Variants in CDH23 observed in about 807,000 individuals in gnomAD.
CDH23 encodes the protein cadherin-23.
Under a neutral mutation model 317.1 loss-of-function variants are expected in CDH23, and 189 were observed. The observed-to-expected ratio is 0.60, with a 90% CI of 0.53 to 0.67. The LOEUF is 0.67. Ranked by LOEUF, CDH23 falls within the 30% of genes least tolerant of loss-of-function variation. The pLI, the probability that CDH23 is intolerant of heterozygous loss-of-function variation, is 0.00. For synonymous variants in CDH23, 1,839 were observed against 1,876.8 expected (o/e 0.98, Z 0.52); for missense variants, 4,401 against 4,592.4 (o/e 0.96, Z 1.20).
At chr10:71,442,203 C>T (rs1849921574) in intron 2 of CDH23, among the ~76,000 whole-genome samples, 1 of 152,314 alleles carries the variant, frequency 6.6e-6, no homozygotes, top group Middle Eastern at 3.4e-3. Flanking sequence ...TATGCCAAAG[C>T]GTGTATGGTC....
chr10:71,755,330 A>AC, intron 38 of CDH23: 1 of 1,589,450 alleles, frequency 6.3e-7, no homozygotes, highest in Non-Finnish European at 8.6e-7. Context: ...CGCACCGTCC[A>AC]CCCACCCCAG....
At chr10:71,533,837 C>T (rs1050016342) in intron 6 of CDH23, among the ~76,000 whole-genome samples, 33 of 151,996 alleles carry the variant, frequency 2.2e-4, no homozygotes, top group South Asian at 4.2e-4. Flanking sequence ...TCCCCCAGCC[C>T]GCTCTCATTA....
chr10:71,798,664 G>T, intron 50 of CDH23, 86 bp downstream of exon 50: 1 of 1,079,826 alleles, frequency 9.3e-7, no homozygotes, highest in Non-Finnish European at 1.3e-6. Flanking sequence ...CCCCTCTGTG[G>T]CTCCTCAGTG....
chr10:71,616,475 C>G (rs1469949523), intron 10 of CDH23, among the ~76,000 whole-genome samples: 1 of 152,258 alleles, frequency 6.6e-6, no homozygotes, highest in Non-Finnish European at 1.5e-5. Flanking sequence ...AGGTGGTCAG[C>G]TCTACCAGAG....
At chr10:71,450,347 C>G (rs1850375012) in intron 3 of CDH23, among the ~76,000 whole-genome samples, 1 of 150,872 alleles carries the variant, frequency 6.6e-6, no homozygotes. Flanking sequence ...CTCACTGCAG[C>G]CTCCACCTCC....
chr10:71,563,078 G>A (rs1857212537), intron 6 of CDH23, among the ~76,000 whole-genome samples: 1 of 152,166 alleles, frequency 6.6e-6, no homozygotes, highest in Non-Finnish European at 1.5e-5. Context: ...AGGGTGGGTG[G>A]GGAGGCAGCT....
intron 11 of CDH23, among the ~76,000 whole-genome samples, chr10:71,627,896 C>T (rs1294080676): frequency 1.3e-5 from 2 of 152,224 alleles, no homozygotes; most frequent in Non-Finnish European, 2.9e-5. Context: ...AGCTGGCAAA[C>T]TTTCTTCTCC....
At chr10:71,429,217 CA>C in intron 1 of CDH23, among the ~76,000 whole-genome samples, 1 of 152,260 alleles carries the variant, frequency 6.6e-6, no homozygotes, top group Non-Finnish European at 1.5e-5. Flanking sequence ...TCTTATGTGT[CA>C]GGGGTCAGCT....
At chr10:71,650,942 A>G (rs1318174873) in intron 14 of CDH23, among the ~76,000 whole-genome samples, 6 of 152,254 alleles carry the variant, frequency 3.9e-5, no homozygotes, top group African/African-American at 9.6e-5. Flanking sequence ...TCATTTATTC[A>G]TTCATTCATT....
At chr10:71,800,862 G>A (rs1180536722) in intron 53 of CDH23, 107 bp downstream of exon 53, 13 of 1,458,498 alleles carry the variant, frequency 8.9e-6, no homozygotes, top group Admixed American at 4.1e-5. Context: ...AGAGCCCCCC[G>A]GTCCCCTTTG....
chr10:71,446,204 A>G, intron 2 of CDH23, 114 bp from the exon 3 acceptor site: 3 of 996,710 alleles, frequency 3.0e-6, no homozygotes, highest in Non-Finnish European at 4.7e-6. Flanking sequence ...GAAGTTGACC[A>G]TGGCCATGGA....
At chr10:71,424,266 T>C (rs1848946634) in intron 1 of CDH23, among the ~76,000 whole-genome samples, 1 of 152,198 alleles carries the variant, frequency 6.6e-6, no homozygotes, top group Non-Finnish European at 1.5e-5. Flanking sequence ...TGCAGTAAGG[T>C]AACCTGGTGG....
intron 39 of CDH23, 137 bp from the exon 40 acceptor site, chr10:71,778,052 A>G: frequency 6.9e-7 from 1 of 1,444,838 alleles, no homozygotes; most frequent in Middle Eastern, 1.8e-4. Context: ...AGTTTGGTGG[A>G]GTGGAGCCTG....
intron 9 of CDH23, among the ~76,000 whole-genome samples, chr10:71,584,822 G>GGGTA: frequency 6.6e-6 from 1 of 152,346 alleles, no homozygotes; most frequent in Non-Finnish European, 1.5e-5. Flanking sequence ...TCCTGGCTTA[G>GGGTA]GGTAGCACAA....
At position 71,617,371 on chromosome 10, in the gene CDH23, T is replaced by C. The variant is rs1861245735; in HGVS notation, c.1112T>C (p.Ile371Thr). The change falls in exon 11 of 70, where the codon ATC (isoleucine) becomes ACC (threonine). Residue 371 changes from isoleucine to threonine, a missense_variant. Around this residue, in one of 3 missense-constraint regions of CDH23, gnomAD observed 3,068 missense variants for 3,203.3 expected, o/e 0.96. Transcript: ENST00000224721. ...GTCGGCTTTGCCCTTCCACTCTTCATCCAGGTGGTGGACAAGGATGAGGTG... is the reference window on the plus strand; with the variant it reads ...GTCGGCTTTGCCCTTCCACTCTTCACCCAGGTGGTGGACAAGGATGAGGTG... ...AQVGFALPLFIQVVDKDENLG... is the reference protein window; with the variant it reads ...AQVGFALPLFTQVVDKDENLG... The C allele has an allele frequency of 6.2e-7, 1 of 1,613,672 alleles. No homozygotes were observed. Among genetic ancestry groups the C allele is most frequent in the African/African-American group, 1.3e-5 (1 of 74,884 alleles).
intron 9 of CDH23, among the ~76,000 whole-genome samples, chr10:71,609,129 G>A (rs1178447617): frequency 6.6e-6 from 1 of 152,052 alleles, no homozygotes; most frequent in Non-Finnish European, 1.5e-5. Context: ...TGCAGGTGGG[G>A]CAGGGGGCGT....
chr10:71,480,763 A>G (rs975158186), intron 3 of CDH23, among the ~76,000 whole-genome samples: 1 of 151,502 alleles, frequency 6.6e-6, no homozygotes, highest in Non-Finnish European at 1.5e-5. Flanking sequence ...GGGAGACTGG[A>G]TGGGGGCGGC....
intron 1 of CDH23, among the ~76,000 whole-genome samples, chr10:71,435,975 C>G (rs923882553): frequency 1.3e-5 from 2 of 152,198 alleles, no homozygotes; most frequent in African/African-American, 4.8e-5. Flanking sequence ...GCTTTCCTCC[C>G]GTAGACAGAG....
At chr10:71,778,426 C>A in intron 40 of CDH23, 118 bp downstream of exon 40, 1 of 1,322,624 alleles carries the variant, frequency 7.6e-7, no homozygotes, top group Non-Finnish European at 1.0e-6. Context: ...TGCCTAAATC[C>A]AAGACCCCTG....
Sources: allele counts gnomAD v4.1 joint callset (sites outside exome capture counted in the v4.1 genomes callset), GRCh38; gene constraint gnomAD v4.1.1; regional missense constraint gnomAD v4.1.1; transcripts MANE v1.5; gene names NCBI Gene and HGNC (gene_info 2026-07-23, HGNC 2026-07-21).